TBC1D14: variants seen among roughly 807,000 people sequenced by gnomAD.
TBC1D14 encodes TBC1 domain family, member 14.
In TBC1D14, 26 loss-of-function variants were observed where a neutral mutation model predicts 79.0. That is an observed-to-expected ratio of 0.33 (90% CI 0.24 to 0.46). TBC1D14 has a LOEUF of 0.46. Ranked by LOEUF, TBC1D14 falls within the 20% of genes least tolerant of loss-of-function variation. The pLI is 1.00. For missense variants in TBC1D14, 769 were observed against 887.6 expected (o/e 0.87, Z 1.70); for synonymous variants, 394 against 349.9 (o/e 1.13, Z -1.40).
intron 3 of TBC1D14, among the ~76,000 whole-genome samples, chr4:6,993,342 T>G (rs1478756697): frequency 1.3e-5 from 2 of 152,234 alleles, no homozygotes; most frequent in African/African-American, 2.4e-5. Context: ...TGTTTGGCTC[T>G]CCTGAGTTCT....
intron 3 of TBC1D14, among the ~76,000 whole-genome samples, chr4:6,971,574 G>A (rs1716232699): frequency 6.6e-6 from 1 of 152,124 alleles, no homozygotes; most frequent in Non-Finnish European, 1.5e-5. Flanking sequence ...AACCTCGATG[G>A]TAGTTTGAGA....
intron 12 of TBC1D14, among the ~76,000 whole-genome samples, chr4:7,017,292 T>C (rs1721381889): frequency 6.6e-6 from 1 of 152,084 alleles, no homozygotes; most frequent in African/African-American, 2.4e-5. Context: ...AGAGTGGGCC[T>C]CTCTCTCCAA....
chr4:6,959,671 A>C (rs890507005), intron 2 of TBC1D14, among the ~76,000 whole-genome samples: 1 of 152,230 alleles, frequency 6.6e-6, no homozygotes, highest in Non-Finnish European at 1.5e-5. Flanking sequence ...CATAGTAGGC[A>C]TGACGATTGT....
In TBC1D14 at chr4:6,923,615, C is replaced by G; in HGVS notation, c.226C>G (p.Pro76Ala). The stretch of plus-strand genomic sequence containing the variant: ...GATTCCTACCCTGGAGATCGGGAAC[C>G]CGGAGCCTGTACCCTGCAGCGCGGT... The part of the protein sequence containing the change: ...SGIPTLEIGN[P>A]EPVPCSAVHV... The change falls in exon 2 of 14, where the codon CCG becomes GCG. Residue 76 changes from proline (P) to alanine (A), a missense_variant. Transcript: ENST00000409757. The G allele has an allele frequency of 1.2e-6, 2 of 1,613,974 alleles. No individual in the cohort carries two copies. Among genetic ancestry groups the G allele is most frequent in the Non-Finnish European group, 1.7e-6 (2 of 1,180,014 alleles).
At position 6,975,926 on chromosome 4, in the gene TBC1D14, C is replaced by A. The variant is rs539718012; in HGVS notation, c.843+8502C>A. Among the ~76,000 whole-genome samples the A allele has an allele frequency of 6.6e-5, 10 of 152,240 alleles. No individual in the cohort carries two copies. The East Asian group carries it at 1.9e-3, about 29-fold the overall frequency. On this transcript the variant is annotated intron_variant, in intron 3 of 13. Transcript: ENST00000409757. ...TGGCCAATGTGGCGAAACCCCATCT[C>A]TACTAAAAATACAAAAATTAACCAG...
chr4:6,916,616 T>G (rs1032236943), intron 1 of TBC1D14, among the ~76,000 whole-genome samples: 6 of 152,124 alleles, frequency 3.9e-5, no homozygotes, highest in African/African-American at 1.4e-4. Flanking sequence ...AAGTGAAGAT[T>G]GTGGCTCTGG....
intron 3 of TBC1D14, chr4:6,987,046 G>C: frequency 6.6e-6 from 3 of 452,944 alleles, no homozygotes; most frequent in Non-Finnish European, 3.1e-6. Context: ...CGGTGTTTAC[G>C]GCCGGTGGGG....
intron 2 of TBC1D14, among the ~76,000 whole-genome samples, chr4:6,949,619 T>C (rs1577073337): frequency 6.6e-6 from 1 of 150,638 alleles, no homozygotes; most frequent in East Asian, 2.0e-4. Context: ...CGAGGCAGAG[T>C]TTGCAGTGAG....
intron 3 of TBC1D14, among the ~76,000 whole-genome samples, chr4:6,977,093 T>TCTCC (rs1491292742): frequency 4.9e-4 from 5 of 10,232 alleles, no homozygotes; most frequent in African/African-American, 1.2e-3. Context: ...CTCTCCCCAC[T>TCTCC]GTCTCCCTCT....
intron 12 of TBC1D14, among the ~76,000 whole-genome samples, chr4:7,022,126 G>A (rs1249865160): frequency 6.6e-6 from 1 of 152,260 alleles, no homozygotes; most frequent in Non-Finnish European, 1.5e-5. Flanking sequence ...GGAGAGAATG[G>A]GAGAAGAGGA....
intron 3 of TBC1D14, among the ~76,000 whole-genome samples, chr4:6,982,925 G>A (rs1717509396): frequency 6.6e-6 from 1 of 152,210 alleles, no homozygotes; most frequent in Non-Finnish European, 1.5e-5. Context: ...CTTTGGAGAG[G>A]AGAACAAACT....
chr4:6,937,366 G>C (rs1220217293), intron 2 of TBC1D14, among the ~76,000 whole-genome samples: 1 of 152,158 alleles, frequency 6.6e-6, no homozygotes, highest in Non-Finnish European at 1.5e-5. Flanking sequence ...TTTTTTATAA[G>C]GGCACTAATC....
rs140974177 is a variant in TBC1D14, at chr4:6,940,374, G to A, written c.722+16263G>A. Among the ~76,000 whole-genome samples, 42 of 152,302 alleles carry A rather than the reference G, an allele frequency of 2.8e-4. No individual in the cohort carries two copies. In the East Asian group the frequency reaches 7.7e-3, roughly 28 times the overall value. Reference sequence around the variant, plus strand: ...CAGCAGCACACAGTGGGTGTGAAACGAGCAAATCCATAATGGAATGTGTGT... The same window carrying A: ...CAGCAGCACACAGTGGGTGTGAAACAAGCAAATCCATAATGGAATGTGTGT... On this transcript the variant is annotated intron_variant, in intron 2 of 13. Coordinates refer to ENST00000409757, the MANE Select transcript of TBC1D14 (RefSeq NM_020773.3).
At chr4:6,983,577 G>GT (rs1339151032) in intron 3 of TBC1D14, among the ~76,000 whole-genome samples, 1 of 152,142 alleles carries the variant, frequency 6.6e-6, no homozygotes, top group Non-Finnish European at 1.5e-5. Flanking sequence ...TGGAGAACAG[G>GT]TCTATCAGGA....
intron 1 of TBC1D14, among the ~76,000 whole-genome samples, chr4:6,919,051 C>T (rs879360711): frequency 6.6e-6 from 1 of 151,914 alleles, no homozygotes; most frequent in Non-Finnish European, 1.5e-5. Context: ...CGTGTTCACG[C>T]GTAGGGAGGC....
At chr4:6,992,295 G>C (rs111670226) in intron 3 of TBC1D14, among the ~76,000 whole-genome samples, 1 of 152,052 alleles carries the variant, frequency 6.6e-6, no homozygotes, top group South Asian at 2.1e-4. Flanking sequence ...TGTAGGACTC[G>C]GGCTTTCCCC....
rs917515485 is a variant in TBC1D14 at position 7,031,663 on chromosome 4, G to C, written c.*1271G>C. The C allele has an allele frequency of 2.6e-5, 4 of 152,302 alleles. No individual in the cohort carries two copies. Among genetic ancestry groups the C allele is most frequent in the Non-Finnish European group, 4.4e-5 (3 of 68,068 alleles). The allele number at this position is 152,302 out of a possible 1,614,324, so 9.4% of individuals were successfully genotyped here. ...GCCAGTGTCTGGAAGCAGGGCCCAC[G>C]TGGCGGTCCGCTGGCAGGCTGGTCC... On this transcript the variant is annotated 3_prime_UTR_variant, in exon 14 of 14. Transcript: ENST00000409757.
intron 3 of TBC1D14, among the ~76,000 whole-genome samples, chr4:6,977,002 C>A (rs55833486): frequency 0.11 from 16,069 of 145,432 alleles, 1,470 homozygotes; most frequent in African/African-American, 0.23. Context: ...AATGGACTAT[C>A]AATCCCGGAG....
chr4:7,021,655 T>C, intron 12 of TBC1D14, among the ~76,000 whole-genome samples: 1 of 39,816 alleles, frequency 2.5e-5, no homozygotes, highest in Non-Finnish European at 4.4e-5. Context: ...GTACTTGAAA[T>C]TACTTTTTTT....
Sources: gnomAD v4.1 joint callset for allele counts (sites outside exome capture counted in the v4.1 genomes callset) on GRCh38, gnomAD v4.1.1 for gene constraint, MANE v1.5 for transcripts, NCBI Gene and HGNC (gene_info 2026-07-23, HGNC 2026-07-21) for gene names.